PFKFB3: variants seen among roughly 807,000 people sequenced by gnomAD.
The protein encoded by PFKFB3 is 6-phosphofructo-2-kinase/fructose-2,6-bisphosphatase 3.
Under a neutral mutation model 68.0 loss-of-function variants are expected in PFKFB3, and 33 were observed. The observed-to-expected ratio is 0.49, with a 90% CI of 0.37 to 0.65. The LOEUF is 0.65. Ranked by LOEUF, PFKFB3 falls within the 30% of genes least tolerant of loss-of-function variation. The pLI is 0.00. For synonymous variants in PFKFB3, 315 were observed against 288.2 expected, an observed-to-expected ratio of 1.09 and a Z score of -0.94; for missense variants, 586 against 712.2, an observed-to-expected ratio of 0.82 and a Z score of 2.02.
rs769227468 is a variant in PFKFB3, at chr10:6,222,949, G to A, written c.1178G>A (p.Arg393His). The part of the protein sequence containing the change: ...VLVICHQAVL[R>H]CLLAYFLDKS... ...GTCATCTGCCACCAGGCCGTCCTGC[G>A]CTGCCTGCTTGCCTACTTCCTGGAT... The change falls in exon 11 of 15, where the codon CGC (arginine) becomes CAC (histidine). Residue 393 changes from arginine to histidine, a missense_variant. Physicochemically the swap from Arg to His is conservative, Grantham distance 29. Coordinates refer to ENST00000379775, the MANE Select transcript of PFKFB3 (RefSeq NM_004566.4). The A allele has an allele frequency of 1.1e-5, 18 of 1,613,738 alleles. No individual in the cohort carries two copies. The highest frequency in any genetic ancestry group is 1.4e-5 in the Non-Finnish European group (17 of 1,179,790).
Position 6,228,739 on chromosome 10 carries a change from A to AC in PFKFB3, c.1515+2380dup, listed in dbSNP as rs1266409719. Among the ~76,000 whole-genome samples, 6 of 152,006 alleles carry AC rather than the reference A, an allele frequency of 3.9e-5. No individual in the cohort carries two copies. Among genetic ancestry groups the AC allele is most frequent in the South Asian group, 4.2e-4 (2 of 4,796 alleles). On this transcript the variant is annotated intron_variant, in intron 14 of 14. Coordinates refer to ENST00000379775, the MANE Select transcript of PFKFB3 (RefSeq NM_004566.4). This position sits in a 1 kb window ranked among gnomAD's most constrained non-coding sequence, Gnocchi z 4.5. ...TCTGAGCCTCTCCCTCCCCATGAGG[A>AC]CCCCCCACACCCCAAAAGAGCTCCG...
chr10:6,209,795 C>T (rs1263996004), intron 1 of PFKFB3, among the ~76,000 whole-genome samples: 1 of 134,862 alleles, frequency 7.4e-6, no homozygotes, highest in Admixed American at 8.2e-5. Context: ...GACGGTGTCT[C>T]ACTCTGTCAC....
intron 1 of PFKFB3, among the ~76,000 whole-genome samples, chr10:6,151,727 G>A (rs1841594200): frequency 1.3e-5 from 2 of 152,172 alleles, no homozygotes; most frequent in Non-Finnish European, 2.9e-5. Flanking sequence ...TACCCTCCCC[G>A]CTCCCTGAGA....
chr10:6,322,347 A>G, the PFKFB3 span, among the ~76,000 whole-genome samples: 6,813 of 151,894 alleles, frequency 0.045, 525 homozygotes, highest in African/African-American at 0.16. Flanking sequence ...TCCATCTACC[A>G]CTTTTCACCT....
At chr10:6,221,585 G>T in intron 9 of PFKFB3, 56 bp from the exon 10 acceptor site, 1 of 1,611,302 alleles carries the variant, frequency 6.2e-7, no homozygotes, top group Admixed American at 1.7e-5. Flanking sequence ...GGCTTCCCAA[G>T]AGGCCCTAGA....
intron 1 of PFKFB3, among the ~76,000 whole-genome samples, chr10:6,210,048 G>GGTGTGCCCCTCTCTTGTTCTGCA (rs1294381155): frequency 2.4e-5 from 3 of 122,856 alleles, no homozygotes; most frequent in Admixed American, 1.7e-4. Flanking sequence ...CACCGTGCCC[G>GGTGTGCCCCTCTCTTGTTCTGCA]GCCTAATACT....
intron 1 of PFKFB3, among the ~76,000 whole-genome samples, chr10:6,183,039 C>T (rs1259726103): frequency 6.6e-6 from 1 of 152,202 alleles, no homozygotes; most frequent in East Asian, 1.9e-4. Context: ...CCATACACGC[C>T]CCAGCCCCAA....
chr10:6,170,199 C>T (rs554210371), intron 1 of PFKFB3, among the ~76,000 whole-genome samples: 3 of 152,322 alleles, frequency 2.0e-5, no homozygotes, highest in African/African-American at 4.8e-5. Context: ...AATCCCCAAA[C>T]AGAGGTGATG....
chr10:6,325,977 T>C, the PFKFB3 span, among the ~76,000 whole-genome samples: 1 of 152,216 alleles, frequency 6.6e-6, no homozygotes, highest in Non-Finnish European at 1.5e-5. Flanking sequence ...GGCTTCATAA[T>C]ACCACGTTCA....
intron 1 of PFKFB3, among the ~76,000 whole-genome samples, chr10:6,203,599 C>T (rs1843483806): frequency 2.0e-5 from 3 of 151,790 alleles, no homozygotes; most frequent in African/African-American, 7.3e-5. Context: ...GGGACGCGCG[C>T]GCCTGGGCAG....
At chr10:6,253,552 A>G (rs113162026) in intron 14 of PFKFB3, among the ~76,000 whole-genome samples, 1,867 of 151,974 alleles carry the variant, frequency 0.012, 38 homozygotes, top group African/African-American at 0.042. Flanking sequence ...CCAGCGGGGG[A>G]CGGGGGTGTG....
downstream of PFKFB3, among the ~76,000 whole-genome samples, chr10:6,256,227 T>C (rs1262921026): frequency 6.6e-6 from 1 of 152,172 alleles, no homozygotes; most frequent in Non-Finnish European, 1.5e-5. Flanking sequence ...TAAATCTCCT[T>C]TCTTGGGTGG....
At position 6,205,779 on chromosome 10, in the gene PFKFB3, ATTATTTATTTAT is replaced by A. The variant is rs57825789; in HGVS notation, c.76+2461_76+2472del. Among the ~76,000 whole-genome samples, 28 of 146,288 alleles carry A rather than the reference ATTATTTATTTAT, an allele frequency of 1.9e-4. No individual in the cohort carries two copies. The South Asian group carries it at 4.7e-3, about 25-fold the overall frequency. ...TCTGCAGCAGAGTTCCCTGAGGTTT[ATTATTTATTTAT>A]TTATTTATTTATTTATTCATTTTTG... is the stretch of plus-strand genomic sequence containing the variant. On this transcript the variant is annotated intron_variant, in intron 1 of 14. Coordinates refer to ENST00000379775, the MANE Select transcript of PFKFB3 (RefSeq NM_004566.4).
intron 1 of PFKFB3, chr10:6,152,301 G>A (rs2131681617): frequency 6.6e-6 from 1 of 152,582 alleles, no homozygotes; most frequent in East Asian, 2.0e-4. Context: ...CCGGTCTCCA[G>A]TGTGATTCAG....
chr10:6,309,059 G>A, the PFKFB3 span, among the ~76,000 whole-genome samples: 1 of 152,106 alleles, frequency 6.6e-6, no homozygotes, highest in South Asian at 2.1e-4. Flanking sequence ...AGGGCGGGTG[G>A]GATGTCCAGT....
chr10:6,317,338 C>CGA, the PFKFB3 span, among the ~76,000 whole-genome samples: 1 of 152,150 alleles, frequency 6.6e-6, no homozygotes, highest in Non-Finnish European at 1.5e-5. Context: ...AATGAACCTT[C>CGA]ATAAAGAGAA....
chr10:6,153,848 C>T (rs1841679908), intron 1 of PFKFB3, among the ~76,000 whole-genome samples: 1 of 150,386 alleles, frequency 6.6e-6, no homozygotes, highest in Admixed American at 6.6e-5. Flanking sequence ...AGCGAGACTC[C>T]ATCTAAAAAA....
chr10:6,158,694 C>T (rs1388264757), intron 1 of PFKFB3, among the ~76,000 whole-genome samples: 1 of 151,788 alleles, frequency 6.6e-6, no homozygotes, highest in African/African-American at 2.4e-5. Context: ...GGTGAAACCC[C>T]ATCTCTACTA....
intron 1 of PFKFB3, among the ~76,000 whole-genome samples, chr10:6,196,705 G>A (rs1353360124): frequency 6.6e-6 from 1 of 152,034 alleles, no homozygotes; most frequent in Non-Finnish European, 1.5e-5. Flanking sequence ...CCACCCAGAC[G>A]GAGGGTGGGT....
Sources: allele counts gnomAD v4.1 joint callset (sites outside exome capture counted in the v4.1 genomes callset), GRCh38; gene constraint gnomAD v4.1.1; non-coding constraint Gnocchi (gnomAD v3.1); transcripts MANE v1.5; gene names NCBI Gene and HGNC (gene_info 2026-07-23, HGNC 2026-07-21).